Variants in SPATA3 observed in about 807,000 individuals in gnomAD.
The protein encoded by SPATA3 is spermatogenesis-associated protein 3.
SPATA3 carries 6 observed loss-of-function variants against 5.7 expected under a neutral mutation model. The ratio of observed to expected loss-of-function variants is 1.06; its 90% confidence interval spans 0.58 to 2.09. SPATA3 has a LOEUF of 2.09. SPATA3 is among the 30% of genes most tolerant of loss of function. SPATA3 has a pLI of 0.00. For synonymous variants in SPATA3, 44 were observed against 48.4 expected, an observed-to-expected ratio of 0.91 and a Z score of 0.37; for missense variants, 155 against 130.4, an observed-to-expected ratio of 1.19 and a Z score of -0.92.
exon 6 of SPATA3, chr2:231,013,984 T>C (rs1210304786): frequency 6.6e-6 from 1 of 151,908 alleles, no homozygotes; most frequent in Non-Finnish European, 1.5e-5. Context: ...TCACCTGGTG[T>C]CCTATTGTCA....
chr2:231,000,472 CCTT>C, exon 2 of SPATA3: 3 of 1,550,166 alleles, frequency 1.9e-6, no homozygotes, highest in Non-Finnish European at 2.6e-6. Context: ...TCTTCGATGT[CCTT>C]CTGCCTCGGG....
downstream of SPATA3, among the ~76,000 whole-genome samples, chr2:231,007,983 C>T (rs1215430767): frequency 1.3e-5 from 2 of 152,104 alleles, no homozygotes; most frequent in African/African-American, 4.8e-5. Context: ...GCACTCCAGC[C>T]TGGACGACAT....
At chr2:231,005,307 T>TCATCAC (rs1692544673), downstream of SPATA3, among the ~76,000 whole-genome samples, 1 of 61,894 alleles carries the variant, frequency 1.6e-5, no homozygotes, top group African/African-American at 6.7e-5. Flanking sequence ...ACCACCACCA[T>TCATCAC]CACCACCATC....
downstream of SPATA3, among the ~76,000 whole-genome samples, chr2:231,011,306 G>A (rs1263039341): frequency 6.6e-6 from 1 of 151,958 alleles, no homozygotes; most frequent in Non-Finnish European, 1.5e-5. Context: ...GTAGAGACGG[G>A]GTTTCACCAT....
chr2:230,998,984 C>T (rs1484189807), intron 1 of SPATA3, among the ~76,000 whole-genome samples: 1 of 152,180 alleles, frequency 6.6e-6, no homozygotes, highest in Non-Finnish European at 1.5e-5. Flanking sequence ...GTGGGAACAA[C>T]CCAAATGTCC....
chr2:231,007,874 G>A (rs1352913267), downstream of SPATA3, among the ~76,000 whole-genome samples: 1 of 152,228 alleles, frequency 6.6e-6, no homozygotes, highest in Admixed American at 6.5e-5. Context: ...GCTGGGCCTG[G>A]TGGCTCATGC....
intron 1 of SPATA3, among the ~76,000 whole-genome samples, chr2:231,000,076 G>A (rs1692286645): frequency 6.6e-6 from 1 of 152,138 alleles, no homozygotes; most frequent in Admixed American, 6.5e-5. Context: ...CATCATCGTT[G>A]TTGTCGTCGC....
chr2:231,004,865 A>AAC (rs1479861001), downstream of SPATA3, among the ~76,000 whole-genome samples: 3 of 151,978 alleles, frequency 2.0e-5, no homozygotes, highest in Non-Finnish European at 2.9e-5. Flanking sequence ...ATGCATGTAA[A>AAC]ACACTTAGCA....
At chr2:231,010,136 G>T (rs1219745041), downstream of SPATA3, among the ~76,000 whole-genome samples, 1 of 152,242 alleles carries the variant, frequency 6.6e-6, no homozygotes, top group Non-Finnish European at 1.5e-5. Flanking sequence ...AAGGCCCTTT[G>T]TCCTCTAAAG....
At chr2:231,006,029 A>G (rs1574667247), downstream of SPATA3, among the ~76,000 whole-genome samples, 2 of 151,454 alleles carry the variant, frequency 1.3e-5, no homozygotes, top group East Asian at 3.9e-4. Flanking sequence ...AAAGAAGAAG[A>G]AAAAAAGATT....
chr2:231,007,243 C>A (rs1225418683), downstream of SPATA3: 1 of 151,994 alleles, frequency 6.6e-6, no homozygotes, highest in East Asian at 1.9e-4. Context: ...ATCAAAGGGA[C>A]CTCTCTTGTC....
In SPATA3 at chr2:231,013,489, A is replaced by AT. The variant is rs574764501; in HGVS notation, c.*227-372dup. ...CATTCAGATTGGTTCCAGTTTTTAG[A>AT]TTTTTTTTTTTTTCTTTTGAGAAGG... On this transcript the variant is annotated intron_variant, in intron 5 of 8. Coordinates refer to the SPATA3 transcript ENST00000452881. Among the ~76,000 whole-genome samples the AT allele has an allele frequency of 5.4e-3, 787 of 144,954 alleles. 9 individuals carry two copies. Among genetic ancestry groups the AT allele is most frequent in the East Asian group, 0.035 (177 of 5,004 alleles).
chr2:231,011,141 A>G (rs1171653505), downstream of SPATA3, among the ~76,000 whole-genome samples: 2 of 149,804 alleles, frequency 1.3e-5, no homozygotes, highest in African/African-American at 4.9e-5. Context: ...ATTATTATTT[A>G]TTTATTTGAG....
At chr2:231,014,359 G>C (rs555969362) in intron 6 of SPATA3, 2 of 152,308 alleles carry the variant, frequency 1.3e-5, no homozygotes, top group East Asian at 3.9e-4. Flanking sequence ...CAAGTGCTAT[G>C]TTTCAGTTAG....
downstream of SPATA3, among the ~76,000 whole-genome samples, chr2:231,010,037 C>G (rs1023608404): frequency 3.9e-5 from 6 of 152,248 alleles, no homozygotes; most frequent in Non-Finnish European, 8.8e-5. Flanking sequence ...GGTATATTTC[C>G]TATCAATCAC....
At chr2:230,996,647 G>T in intron 1 of SPATA3, 113 bp downstream of exon 1, 8 of 1,349,962 alleles carry the variant, frequency 5.9e-6, no homozygotes, top group Non-Finnish European at 8.0e-6. Context: ...GTATCCTGGA[G>T]CTGTGCTGTA....
At chr2:231,005,253 CCAT>C (rs1559197581), downstream of SPATA3, among the ~76,000 whole-genome samples, 1 of 37,290 alleles carries the variant, frequency 2.7e-5, no homozygotes, top group African/African-American at 1.2e-4. Flanking sequence ...ACCATCACCA[CCAT>C]CATCATTACC....
At chr2:231,005,809 G>T (rs1227808535), downstream of SPATA3, among the ~76,000 whole-genome samples, 1 of 152,032 alleles carries the variant, frequency 6.6e-6, no homozygotes, top group Non-Finnish European at 1.5e-5. Flanking sequence ...TTAAATCAGT[G>T]TTCCCCTAAT....
chr2:231,002,204 CA>C (rs1227900886), intron 2 of SPATA3, among the ~76,000 whole-genome samples: 2 of 152,192 alleles, frequency 1.3e-5, no homozygotes, highest in African/African-American at 4.8e-5. Context: ...GGATTTTTAT[CA>C]AAACGGGTAT....
Sources: gnomAD v4.1 joint callset for allele counts (sites outside exome capture counted in the v4.1 genomes callset) on GRCh38, gnomAD v4.1.1 for gene constraint, MANE v1.5 for transcripts, NCBI Gene and HGNC (gene_info 2026-07-23, HGNC 2026-07-21) for gene names.